SOX6: variants seen among roughly 807,000 people sequenced by gnomAD.
SOX6 encodes the protein transcription factor SOX-6.
SOX6 carries 11 observed loss-of-function variants against 97.8 expected under a neutral mutation model. That is an observed-to-expected ratio of 0.11 (90% confidence interval 0.07 to 0.19). The LOEUF (loss-of-function observed/expected upper bound fraction) is 0.19. Among genes scored for constraint, SOX6 ranks in the 10% least tolerant of loss-of-function variants. The pLI is 1.00. For missense variants in SOX6, 810 were observed against 1,039.5 expected (o/e 0.78, Z 3.04); for synonymous variants, 360 against 371.4 (o/e 0.97, Z 0.35).
rs7926424 is a variant in SOX6 at position 16,183,777 on chromosome 11, T to C, written c.777+109A>G. On this transcript the variant is annotated intron_variant, in intron 6 of 15. Coordinates refer to ENST00000683767, the MANE Select transcript of SOX6 (RefSeq NM_001367873.1). ...GTGCACAACATCCTTGAAAACAGCC[T>C]TATTGGTGCTGTTTATAAGACAGGG... 479,301 of 903,910 alleles carry C rather than the reference T, an allele frequency of 0.53. 130,723 individuals carry two copies. The highest frequency in any genetic ancestry group is 0.78 in the East Asian group (30,122 of 38,684). 56.0% of individuals were successfully genotyped at this position (903,910 alleles called of 1,614,324 possible).
intron 4 of SOX6, among the ~76,000 whole-genome samples, chr11:16,542,408 A>G (rs1445850812): frequency 6.6e-6 from 1 of 152,206 alleles, no homozygotes; most frequent in African/African-American, 2.4e-5. Flanking sequence ...GCACATGTAT[A>G]CCTATGTAAC....
At chr11:15,982,748 ATG>A (rs1198581893) in intron 15 of SOX6, among the ~76,000 whole-genome samples, 14 of 152,238 alleles carry the variant, frequency 9.2e-5, no homozygotes, top group African/African-American at 2.6e-4. Context: ...TTTAGCAATA[ATG>A]TAACATTTTC....
chr11:16,121,161 A>C (rs180921951), intron 6 of SOX6, among the ~76,000 whole-genome samples: 18 of 152,190 alleles, frequency 1.2e-4, no homozygotes, highest in African/African-American at 2.9e-4. Context: ...ATGTAGTCAA[A>C]AGTAATTACT....
chr11:16,710,736 C>T (rs188741557), intron 3 of SOX6, among the ~76,000 whole-genome samples: 118 of 152,298 alleles, frequency 7.7e-4, no homozygotes, highest in Non-Finnish European at 2.5e-4. Flanking sequence ...AATACCATCC[C>T]TTTATTGATA....
At chr11:16,044,962 A>G (rs371031682) in intron 12 of SOX6, among the ~76,000 whole-genome samples, 1 of 139,804 alleles carries the variant, frequency 7.2e-6, no homozygotes, top group East Asian at 2.4e-4. Flanking sequence ...CTATCTGTCT[A>G]TCTGTCTATC....
At chr11:16,706,941 A>G (rs1848141451) in intron 3 of SOX6, among the ~76,000 whole-genome samples, 1 of 152,122 alleles carries the variant, frequency 6.6e-6, no homozygotes, top group Admixed American at 6.6e-5. Flanking sequence ...TTTCACCTTC[A>G]GATTTTGTTT....
chr11:16,453,597 A>C (rs889207167), intron 1 of SOX6, among the ~76,000 whole-genome samples: 3 of 152,204 alleles, frequency 2.0e-5, no homozygotes, highest in Non-Finnish European at 1.5e-5. Flanking sequence ...CATGTAAATA[A>C]GAAAAATGAA....
At chr11:16,186,644 G>GT (rs201353701) in intron 5 of SOX6, 139 bp downstream of exon 5, 9,421 of 1,037,090 alleles carry the variant, frequency 9.1e-3, no homozygotes, top group Non-Finnish European at 0.011. Flanking sequence ...AGAAGGCTTT[G>GT]TTTTTTTTTT....
At chr11:16,317,127 C>A (rs1855777153) in intron 3 of SOX6, 1 of 151,672 alleles carries the variant, frequency 6.6e-6, no homozygotes, top group African/African-American at 2.4e-5. Context: ...ATCAAGCAGA[C>A]ACAAAAACTC....
At chr11:16,187,974 G>T (rs1327117816) in intron 4 of SOX6, among the ~76,000 whole-genome samples, 1 of 152,120 alleles carries the variant, frequency 6.6e-6, no homozygotes, top group Non-Finnish European at 1.5e-5. Context: ...GCCAATTTTT[G>T]TGTGTGCAGA....
intron 3 of SOX6, among the ~76,000 whole-genome samples, chr11:16,299,138 TATTTG>T (rs1855179440): frequency 6.6e-6 from 1 of 152,324 alleles, no homozygotes; most frequent in East Asian, 1.9e-4. Flanking sequence ...ATACAAATAG[TATTTG>T]ATTTATGTTC....
chr11:16,571,047 G>T (rs767482719), intron 4 of SOX6, among the ~76,000 whole-genome samples: 1 of 151,866 alleles, frequency 6.6e-6, no homozygotes, highest in South Asian at 2.1e-4. Context: ...TAATCTACTT[G>T]AACACTTCTA....
chr11:16,660,900 C>A (rs1451543202), intron 3 of SOX6, among the ~76,000 whole-genome samples: 1 of 152,190 alleles, frequency 6.6e-6, no homozygotes, highest in Non-Finnish European at 1.5e-5. Context: ...GTTTAAAAGT[C>A]ACCCAGTTTT....
intron 6 of SOX6, among the ~76,000 whole-genome samples, chr11:16,123,750 G>T (rs961759769): frequency 6.6e-6 from 1 of 151,934 alleles, no homozygotes; most frequent in African/African-American, 2.4e-5. Flanking sequence ...TGACTATAAG[G>T]ATAAGCTAAC....
At chr11:16,675,562 T>C (rs1280079514) in intron 3 of SOX6, among the ~76,000 whole-genome samples, 1 of 152,250 alleles carries the variant, frequency 6.6e-6, no homozygotes, top group East Asian at 1.9e-4. Flanking sequence ...TTTATGTCTT[T>C]GTCTGGGTTC....
chr11:16,420,623 T>A (rs1389653097), intron 1 of SOX6, among the ~76,000 whole-genome samples: 1 of 152,202 alleles, frequency 6.6e-6, no homozygotes, highest in African/African-American at 2.4e-5. Flanking sequence ...TCTCACAAAC[T>A]AGTTTTTTAA....
At chr11:16,571,555 T>C (rs1002238231) in intron 4 of SOX6, among the ~76,000 whole-genome samples, 2 of 152,158 alleles carry the variant, frequency 1.3e-5, no homozygotes, top group Middle Eastern at 3.2e-3. Flanking sequence ...CTCAGTCTCC[T>C]TAGCAGTTGA....
intron 6 of SOX6, among the ~76,000 whole-genome samples, chr11:16,146,250 G>A (rs1850292182): frequency 6.6e-6 from 1 of 152,144 alleles, no homozygotes; most frequent in Admixed American, 6.6e-5. Flanking sequence ...AAGAAATGGG[G>A]AAAGGATTCC....
At chr11:16,321,493 A>G (rs959685665) in intron 2 of SOX6, among the ~76,000 whole-genome samples, 4 of 151,954 alleles carry the variant, frequency 2.6e-5, no homozygotes. Flanking sequence ...TTTTTTTTCT[A>G]TCAGGACTAA....
Sources: gnomAD v4.1 joint callset for allele counts (sites outside exome capture counted in the v4.1 genomes callset) on GRCh38, gnomAD v4.1.1 for gene constraint, MANE v1.5 for transcripts, NCBI Gene and HGNC (gene_info 2026-07-23, HGNC 2026-07-21) for gene names.